Variants in COPS2 observed in about 807,000 individuals in gnomAD.
COPS2 encodes COP9 signalosome subunit 2.
COPS2 carries 10 observed loss-of-function variants against 66.1 expected under a neutral mutation model. That is an observed-to-expected ratio of 0.15 (90% CI 0.09 to 0.26). The LOEUF (loss-of-function observed/expected upper bound fraction) is 0.26. Among genes scored for constraint, COPS2 ranks in the 10% least tolerant of loss-of-function variants. The probability of loss-of-function intolerance (pLI) is 1.00; values close to 1 mark genes in which losing one functional copy is unlikely to be tolerated. For synonymous variants in COPS2, 179 were observed against 171.3 expected, an observed-to-expected ratio of 1.04 and a Z score of -0.35; for missense variants, 215 against 513.3, an observed-to-expected ratio of 0.42 and a Z score of 5.62.
intron 1 of COPS2, among the ~76,000 whole-genome samples, chr15:49,149,467 T>C (rs2084343983): frequency 1.3e-5 from 2 of 152,214 alleles, no homozygotes; most frequent in African/African-American, 2.4e-5. Context: ...CTCTCTAACA[T>C]AGAGCTTTGT....
intron 1 of COPS2, among the ~76,000 whole-genome samples, chr15:49,151,911 CTT>C (rs2084364641): frequency 6.7e-6 from 1 of 150,240 alleles, no homozygotes; most frequent in Non-Finnish European, 1.5e-5. Flanking sequence ...TAGAAACAGA[CTT>C]AATTTTTCAG....
chr15:49,135,472 A>C (rs1458445611), intron 6 of COPS2, among the ~76,000 whole-genome samples: 2 of 152,224 alleles, frequency 1.3e-5, no homozygotes, highest in Non-Finnish European at 2.9e-5. Context: ...ATTACAATGT[A>C]AGTGACAATG....
At chr15:49,142,572 T>C (rs2084296027) in intron 3 of COPS2, among the ~76,000 whole-genome samples, 1 of 152,196 alleles carries the variant, frequency 6.6e-6, no homozygotes, top group Non-Finnish European at 1.5e-5. Context: ...CAATTTGCCA[T>C]AGTTCCTGAA....
chr15:49,137,539 C>T, intron 4 of COPS2, 102 bp from the exon 5 acceptor site: 3 of 823,236 alleles, frequency 3.6e-6, no homozygotes, highest in Non-Finnish European at 6.1e-6. Flanking sequence ...AACTTTAATA[C>T]ACATAAGATA....
intron 9 of COPS2, among the ~76,000 whole-genome samples, chr15:49,133,270 G>C (rs2084227578): frequency 6.6e-6 from 1 of 151,990 alleles, no homozygotes; most frequent in African/African-American, 2.4e-5. Context: ...TGACAGGCGT[G>C]AGCCACCACG....
At chr15:49,144,431 C>T (rs572556202) in intron 2 of COPS2, 127 bp from the exon 3 acceptor site, 41 of 573,786 alleles carry the variant, frequency 7.1e-5, no homozygotes, top group Non-Finnish European at 1.8e-5. Flanking sequence ...AAGGATACCA[C>T]CATTTCTCAA....
intron 3 of COPS2, 59 bp downstream of exon 3, chr15:49,144,168 G>C: frequency 9.6e-7 from 1 of 1,041,452 alleles, no homozygotes. Context: ...GTACTTTGTC[G>C]TGATGAGGTT....
chr15:49,154,909 AGAACT>A (rs2084403557), intron 1 of COPS2, among the ~76,000 whole-genome samples: 1 of 152,214 alleles, frequency 6.6e-6, no homozygotes, highest in Non-Finnish European at 1.5e-5. Flanking sequence ...TTCTTTATAA[AGAACT>A]GAAAAAGTGG....
At chr15:49,137,021 T>C in intron 6 of COPS2, 129 bp downstream of exon 6, 1 of 652,820 alleles carries the variant, frequency 1.5e-6, no homozygotes, top group Non-Finnish European at 2.6e-6. Flanking sequence ...TTATAACTTA[T>C]TTTCTAAATT....
intron 1 of COPS2, among the ~76,000 whole-genome samples, chr15:49,154,465 C>T (rs1252712437): frequency 6.6e-6 from 1 of 152,030 alleles, no homozygotes; most frequent in African/African-American, 2.4e-5. Flanking sequence ...AAAATATATA[C>T]GAAAAAGTTA....
rs1259542151 is a variant in COPS2, at chr15:49,127,236, C to A, written c.*714G>T. The A allele has an allele frequency of 2.0e-5, 3 of 152,464 alleles. No individual in the cohort carries two copies. The highest frequency in any genetic ancestry group is 2.9e-5 in the Non-Finnish European group (2 of 67,976). 9.4% of individuals were successfully genotyped at this position (152,464 alleles called of 1,614,324 possible). A position where few individuals can be genotyped will look rare whatever the true frequency, so the allele number is the denominator to read the frequency against. On this transcript the variant is annotated 3_prime_UTR_variant, in exon 13 of 13. Transcript: ENST00000388901. The stretch of plus-strand genomic sequence containing the variant: ...TGAAAGCAAATAACCAACTTATTTG[C>A]CCCCAGGCTTTTTAAAATCATTAAC...
chr15:49,128,667 A>G, intron 12 of COPS2, 35 bp downstream of exon 12: 1 of 1,475,708 alleles, frequency 6.8e-7, no homozygotes, highest in Non-Finnish European at 9.4e-7. Context: ...TTACGGTACC[A>G]AATATTTTGT....
At chr15:49,148,933 G>A (rs2084339625) in intron 1 of COPS2, among the ~76,000 whole-genome samples, 1 of 152,182 alleles carries the variant, frequency 6.6e-6, no homozygotes, top group Non-Finnish European at 1.5e-5. Flanking sequence ...GAAGTATTGA[G>A]TAAGTATTGC....
intron 1 of COPS2, among the ~76,000 whole-genome samples, chr15:49,147,096 A>G (rs184268470): frequency 6.6e-6 from 1 of 152,286 alleles, no homozygotes; most frequent in Admixed American, 6.5e-5. Context: ...TCACAGCTAT[A>G]AAACCTACTC....
chr15:49,137,299 A>G (rs1362501335), intron 5 of COPS2, 49 bp downstream of exon 5: 7 of 1,535,026 alleles, frequency 4.6e-6, no homozygotes, highest in Non-Finnish European at 6.3e-6. Context: ...CTTTATTAAA[A>G]ACACCCACCC....
intron 1 of COPS2, among the ~76,000 whole-genome samples, chr15:49,148,293 C>T (rs945777842): frequency 6.7e-6 from 1 of 150,272 alleles, no homozygotes; most frequent in Non-Finnish European, 1.5e-5. Context: ...CAAACAAAAC[C>T]GTAATATAAT....
intron 1 of COPS2, among the ~76,000 whole-genome samples, chr15:49,150,127 A>T (rs999373735): frequency 9.2e-5 from 14 of 152,006 alleles, no homozygotes; most frequent in Non-Finnish European, 1.9e-4. Context: ...GTCTCTACTA[A>T]AATACAAAAA....
Position 49,137,402 on chromosome 15 carries a change from C to T in COPS2, c.408G>A (p.Leu136=). Residue 136 remains leucine (L), a synonymous_variant, in exon 5 of 13, where the codon CTG becomes CTA. Transcript: ENST00000388901. ...DLLQEFYETT[L]EALKDAKNDR... ...CATTCTTAGCATCTTTCAAAGCTTC[C>T]AGTGTTGTTTCATAGAATTCCTGCA... 6.2e-7 allele frequency: 1 copy of T among 1,612,860 alleles called. No homozygotes were observed. The highest frequency in any genetic ancestry group is 8.5e-7 in the Non-Finnish European group (1 of 1,179,314).
intron 1 of COPS2, among the ~76,000 whole-genome samples, chr15:49,151,806 T>G (rs2084363608): frequency 7.3e-6 from 1 of 137,002 alleles, no homozygotes; most frequent in Non-Finnish European, 1.6e-5. Flanking sequence ...TATTCGTTTC[T>G]TTTTTTTTTT....
Sources: gnomAD v4.1 joint callset for allele counts (sites outside exome capture counted in the v4.1 genomes callset) on GRCh38, gnomAD v4.1.1 for gene constraint, MANE v1.5 for transcripts, NCBI Gene and HGNC (gene_info 2026-07-23, HGNC 2026-07-21) for gene names.